The following HMCN2 variants were observed in gnomAD, a reference collection of about 807,000 sequenced individuals.
HMCN2 encodes the protein hemicentin 2, also known as hemicentin-2.
Under a neutral mutation model 377.5 loss-of-function variants are expected in HMCN2, and 325 were observed. That is an observed-to-expected ratio of 0.86 (90% confidence interval 0.79 to 0.94). The LOEUF (loss-of-function observed/expected upper bound fraction) is 0.94. HMCN2 is among the 40% of genes least tolerant of loss of function. The probability of loss-of-function intolerance (pLI) is 0.00; values close to 1 mark genes in which losing one functional copy is unlikely to be tolerated. For synonymous variants in HMCN2, 2,007 were observed against 2,046.8 expected, an observed-to-expected ratio of 0.98 and a Z score of 0.53; for missense variants, 4,543 against 4,725.3, an observed-to-expected ratio of 0.96 and a Z score of 1.13.
intron 29 of HMCN2, among the ~76,000 whole-genome samples, chr9:130,350,734 A>ATAT (rs1554950926): frequency 6.7e-6 from 1 of 148,410 alleles, no homozygotes; most frequent in African/African-American, 2.5e-5. Flanking sequence ...AAAATACAAA[A>ATAT]ATATATATAT....
intron 8 of HMCN2, among the ~76,000 whole-genome samples, chr9:130,301,327 G>C (rs781866196): frequency 1.6e-4 from 25 of 152,358 alleles, no homozygotes; most frequent in Non-Finnish European, 3.1e-4. Flanking sequence ...TCTTTCCCCT[G>C]TTCTTTCAGA....
chr9:130,371,946 T>C (rs1363982192), intron 46 of HMCN2, among the ~76,000 whole-genome samples: 1 of 152,194 alleles, frequency 6.6e-6, no homozygotes, highest in African/African-American at 2.4e-5. Flanking sequence ...CCTTTTACCA[T>C]GTCTGTCAGA....
Position 130,349,414 on chromosome 9 carries a change from T to C in HMCN2, c.4304-123T>C. The C allele has an allele frequency of 3.5e-6, 4 of 1,137,814 alleles. No individual in the cohort carries two copies. The South Asian group carries it at 6.2e-5, about 18-fold the overall frequency. The allele number at this position is 1,137,814 out of a possible 1,614,324, so 70.5% of individuals were successfully genotyped here. On this transcript the variant is annotated intron_variant, in intron 28 of 97. Transcript: ENST00000683500. Reference sequence around the variant, plus strand: ...CTTCTGGCCAGGGTTTTGGGGGGCTTCCCAGGAAGGTCAGGTAGGAGGGGG... The same window carrying C: ...CTTCTGGCCAGGGTTTTGGGGGGCTCCCCAGGAAGGTCAGGTAGGAGGGGG...
chr9:130,342,167 A>G (rs1839094192), intron 24 of HMCN2, among the ~76,000 whole-genome samples, 183 bp from the exon 25 acceptor site: 1 of 152,098 alleles, frequency 6.6e-6, no homozygotes, highest in East Asian at 1.9e-4. Flanking sequence ...TGGCTGCACC[A>G]TGGGGCCTCC....
chr9:130,357,498 C>A (rs1411422139), intron 34 of HMCN2, among the ~76,000 whole-genome samples: 3 of 135,210 alleles, frequency 2.2e-5, no homozygotes, highest in Admixed American at 1.5e-4. Flanking sequence ...GGATGGCTAG[C>A]TGGATGGATT....
In HMCN2 at chr9:130,383,091, C is replaced by T. The variant is rs1379501506; in HGVS notation, c.8733+225C>T. 8.5e-5 allele frequency among the ~76,000 whole-genome samples: 13 copies of T among 152,322 alleles called. 1 individual carries two copies. The highest frequency in any genetic ancestry group is 5.2e-4 in the Admixed American group (8 of 15,310). ...ACCTAGCAAAGGATGCACATGGGTG[C>T]GGGACCCAGAGCCCAGCACCGCACA... On this transcript the variant is annotated intron_variant, in intron 56 of 97. Transcript: ENST00000683500.
At position 130,404,888 on chromosome 9, in the gene HMCN2, T is replaced by C. The variant is rs1843016770; in HGVS notation, c.12168T>C (p.Asn4056=). ...LVVQVPPVIE[N]GLPDLSTTEG... is the part of the protein sequence containing the mutation. The stretch of plus-strand genomic sequence containing the variant: ...CCGCAGTCCCACCAGTGATCGAGAA[T>C]GGCCTCCCAGACCTGTCCACCACCG... Residue 4056 remains asparagine, a synonymous_variant, in exon 81 of 98, where the codon AAT becomes AAC. Transcript: ENST00000683500. 2 of 1,267,104 alleles carry C rather than the reference T, an allele frequency of 1.6e-6. No individual in the cohort carries two copies. The highest frequency in any genetic ancestry group is 2.0e-6 in the Non-Finnish European group (2 of 976,538). 78.5% of individuals were successfully genotyped at this position (1,267,104 alleles called of 1,614,324 possible).
rs748487659 is a variant in HMCN2 at position 130,385,654 on chromosome 9, G to A, written c.9201G>A (p.Ala3067=). The change falls in exon 60 of 98, where the codon GCG becomes GCA. Residue 3067 remains alanine, a synonymous_variant. Coordinates refer to ENST00000683500, the MANE Select transcript of HMCN2 (RefSeq NM_001291815.2). ...CTGTCCTGAGCTGCGAGACAGATGC[G>A]CTCCCTGAGCCAACTGTGACCTGGT... ...DKAVLSCETD[A]LPEPTVTWYK... 2.5e-5 allele frequency: 33 copies of A among 1,304,048 alleles called. No homozygotes were observed. The highest frequency in any genetic ancestry group is 6.9e-5 in the Admixed American group (3 of 43,546). The allele number at this position is 1,304,048 out of a possible 1,614,324, so 80.8% of individuals were successfully genotyped here. A position where few individuals can be genotyped will look rare whatever the true frequency, so the allele number is the denominator to read the frequency against.
Position 130,379,451 on chromosome 9 carries a change from G to A in HMCN2, c.8415G>A (p.Glu2805=), listed in dbSNP as rs568937291. 1 of 985,884 alleles carries A rather than the reference G, an allele frequency of 1.0e-6. No individual in the cohort carries two copies. The highest frequency in any genetic ancestry group is 1.7e-5 in the African/African-American group (1 of 57,348). 61.1% of individuals were successfully genotyped at this position (985,884 alleles called of 1,614,324 possible). A position where few individuals can be genotyped will look rare whatever the true frequency, so the allele number is the denominator to read the frequency against. ...ATCAGCCCCTCTCGGCCGGGGATGA[G>A]GTGTCTGTGCTGCAAGGTGGGTCAG... is the stretch of plus-strand genomic sequence containing the variant. ...REDQPLSAGD[E]VSVLQGGRVL... Residue 2805 remains glutamate, a synonymous_variant, in exon 54 of 98, where the codon GAG becomes GAA. Coordinates refer to ENST00000683500, the MANE Select transcript of HMCN2 (RefSeq NM_001291815.2).
intron 62 of HMCN2, among the ~76,000 whole-genome samples, chr9:130,389,368 T>C (rs1479490613): frequency 6.6e-6 from 1 of 152,110 alleles, no homozygotes; most frequent in Admixed American, 6.6e-5. Flanking sequence ...GACACCCGTA[T>C]CCATTAGCAA....
rs1217822734 is a variant in HMCN2 at position 130,375,713 on chromosome 9, C to T, written c.7781C>T (p.Ser2594Phe). The T allele has an allele frequency of 5.1e-6, 5 of 985,802 alleles. No homozygotes were observed. Among genetic ancestry groups the T allele is most frequent in the Non-Finnish European group, 6.0e-6 (5 of 830,012 alleles). 61.1% of individuals were successfully genotyped at this position (985,802 alleles called of 1,614,324 possible). A position where few individuals can be genotyped will look rare whatever the true frequency, so the allele number is the denominator to read the frequency against. ...AAGGACGGGGCCCCGTTTGAGGCCT[C>T]CAGGAACATCCAGCTGCTCCCAGGT... ...WMKDGAPFEA[S>F]RNIQLLPGTH... The change falls in exon 50 of 98, where the codon TCC becomes TTC. Residue 2594 changes from serine to phenylalanine, a missense_variant. This residue lies in a region of HMCN2 where 736 missense variants were observed against 773.2 expected (regional missense o/e 0.95). Transcript: ENST00000683500.
intron 42 of HMCN2, 59 bp downstream of exon 42, chr9:130,365,786 A>T: frequency 2.0e-6 from 2 of 979,228 alleles, no homozygotes; most frequent in African/African-American, 3.5e-5. Context: ...GCGTCCCAGG[A>T]CACAGCCCTC....
rs943880322 is a variant in HMCN2, at chr9:130,343,221, G to A, written c.3829+785G>A. ...CACTGCCTCAGTTGCTTCTTTCGGC[G>A]TTGGGCTCCTGCATGGCTGGGAGCA... On this transcript the variant is annotated intron_variant, in intron 25 of 97. Coordinates refer to ENST00000683500, the MANE Select transcript of HMCN2 (RefSeq NM_001291815.2). Among the ~76,000 whole-genome samples, 13 of 152,312 alleles carry A rather than the reference G, an allele frequency of 8.5e-5. No homozygotes were observed. In the East Asian group the frequency reaches 9.7e-4, roughly 11 times the overall value.
chr9:130,380,962 G>A (rs145888725), intron 54 of HMCN2, among the ~76,000 whole-genome samples: 4 of 151,286 alleles, frequency 2.6e-5, no homozygotes, highest in South Asian at 2.1e-4. Flanking sequence ...TGCTGATCCC[G>A]ATCAGACTCT....
intron 1 of HMCN2, among the ~76,000 whole-genome samples, chr9:130,278,293 T>G (rs1330874052): frequency 6.6e-6 from 1 of 151,258 alleles, no homozygotes; most frequent in African/African-American, 2.4e-5. Context: ...CCCGGCTAAT[T>G]TTTTGTATTT....
rs1269827324 is a variant in HMCN2, at chr9:130,425,731, C to G, written c.13686C>G (p.Phe4562Leu). The part of the protein sequence containing the change: ...HYVQTGPGQL[F>L]VGSTQRFFQG... Reference sequence around the variant, plus strand: ...TGCAAACAGGGCCTGGCCAGCTGTTCGTGGGCTCCACACAGCGCTTCTTCC... The same window carrying G: ...TGCAAACAGGGCCTGGCCAGCTGTTGGTGGGCTCCACACAGCGCTTCTTCC... The change falls in exon 90 of 98, where the codon TTC (phenylalanine) becomes TTG (leucine). Residue 4562 changes from phenylalanine (F) to leucine (L), a missense_variant. Around this residue, in one of 5 missense-constraint regions of HMCN2, gnomAD observed 1,155 missense variants for 1,157.7 expected, o/e 1.00. Transcript: ENST00000683500. The G allele has an allele frequency of 8.0e-6, 12 of 1,498,148 alleles. No individual in the cohort carries two copies. Among genetic ancestry groups the G allele is most frequent in the Admixed American group, 4.1e-5 (2 of 48,882 alleles). 92.8% of individuals were successfully genotyped at this position (1,498,148 alleles called of 1,614,324 possible). A position where few individuals can be genotyped will look rare whatever the true frequency, so the allele number is the denominator to read the frequency against.
chr9:130,430,706 C>A (rs1301184866), intron 95 of HMCN2, 102 bp downstream of exon 95: 1 of 1,142,716 alleles, frequency 8.8e-7, no homozygotes, highest in East Asian at 2.6e-5. Flanking sequence ...GAAACCCAGA[C>A]CTTCCAGGCA....
chr9:130,382,305 G>T lies in HMCN2; in HGVS notation c.8545+8G>T. 1.0e-6 allele frequency: 1 copy of T among 983,932 alleles called. No individual in the cohort carries two copies. Among genetic ancestry groups the T allele is most frequent in the Non-Finnish European group, 1.2e-6 (1 of 828,178 alleles). 61.0% of individuals were successfully genotyped at this position (983,932 alleles called of 1,614,324 possible). A position where few individuals can be genotyped will look rare whatever the true frequency, so the allele number is the denominator to read the frequency against. On this transcript the variant is annotated splice_region_variant and intron_variant, in intron 55 of 97. Transcript: ENST00000683500. ...ACGAGCTGCTGGTGCTGAGTGAGTG[G>T]CGGGGCCTGCAGGTGGGGATTCCCG... is the stretch of plus-strand genomic sequence containing the variant.
At chr9:130,359,447 C>T in intron 37 of HMCN2, 33 bp downstream of exon 37, 1 of 1,177,414 alleles carries the variant, frequency 8.5e-7, no homozygotes, top group Non-Finnish European at 1.1e-6. Context: ...AAAGCTACTT[C>T]CAGCCCAATT....
Sources: gnomAD v4.1 joint callset for allele counts (sites outside exome capture counted in the v4.1 genomes callset) on GRCh38, gnomAD v4.1.1 for gene constraint, gnomAD v4.1.1 regional missense constraint, MANE v1.5 for transcripts, NCBI Gene and HGNC (gene_info 2026-07-23, HGNC 2026-07-21) for gene names.